Variants in STK39 observed in about 807,000 individuals in gnomAD.
STK39 encodes the protein STE20/SPS1-related proline-alanine-rich protein kinase.
Under a neutral mutation model 77.8 loss-of-function variants are expected in STK39, and 20 were observed. That is an observed-to-expected ratio of 0.26 (90% CI 0.18 to 0.37). The LOEUF is 0.37. Ranked by LOEUF, STK39 falls within the 10% of genes least tolerant of loss-of-function variation. The pLI, the probability that STK39 is intolerant of heterozygous loss-of-function variation, is 1.00. For missense variants in STK39, 479 were observed against 656.5 expected (o/e 0.73, Z 2.95); for synonymous variants, 246 against 234.1 (o/e 1.05, Z -0.47).
At chr2:168,214,348 C>T (rs771755334) in intron 1 of STK39, among the ~76,000 whole-genome samples, 2 of 151,728 alleles carry the variant, frequency 1.3e-5, no homozygotes, top group African/African-American at 2.4e-5. Flanking sequence ...TACATGCATG[C>T]GAAAGATCAC....
At chr2:167,977,438 T>G (rs988921015) in intron 16 of STK39, among the ~76,000 whole-genome samples, 3 of 152,186 alleles carry the variant, frequency 2.0e-5, no homozygotes, top group Non-Finnish European at 2.9e-5. Flanking sequence ...GTTTAATTTC[T>G]CTTCAGAATG....
chr2:168,211,825 C>G (rs1689898320), intron 1 of STK39, among the ~76,000 whole-genome samples: 1 of 152,186 alleles, frequency 6.6e-6, no homozygotes, highest in Admixed American at 6.5e-5. Flanking sequence ...ATTCCTATGC[C>G]TGGTTCTGAA....
rs201525494 is a variant in STK39 at position 167,955,327 on chromosome 2, A to G, written c.*169T>C. 49 of 608,590 alleles carry G rather than the reference A, an allele frequency of 8.1e-5. No individual in the cohort carries two copies. Among genetic ancestry groups the G allele is most frequent in the Middle Eastern group, 8.6e-4 (2 of 2,332 alleles). The allele number at this position is 608,590 out of a possible 1,614,324, so 37.7% of individuals were successfully genotyped here. On this transcript the variant is annotated 3_prime_UTR_variant, in exon 18 of 18. Transcript: ENST00000355999. ...ACTCGGAGTGTTGTAAGTTTTAAAA[A>G]ATTATTTTTTTATCCCATTTTGTTG...
Position 168,074,995 on chromosome 2 carries a change from T to C in STK39, c.1229A>G (p.Glu410Gly). ...GCCACAGCTCACCTCTGGATTTTCT[T>C]CTTTTACTCTTCGTGACTGTAAAAC... Reference protein sequence around the residue: ...FSQEKSRRVKEENPEIAVSAS... With the variant: ...FSQEKSRRVKGENPEIAVSAS... The change falls in exon 12 of 18, where the codon GAA becomes GGA. Residue 410 changes from glutamate to glycine, a missense_variant. This residue lies in a region of STK39 where 244 missense variants were observed against 296.8 expected (regional missense o/e 0.82). Transcript: ENST00000355999. 2 of 1,613,834 alleles carry C rather than the reference T, an allele frequency of 1.2e-6. No homozygotes were observed.
chr2:168,197,964 G>A (rs1423143420), intron 1 of STK39, among the ~76,000 whole-genome samples: 3 of 151,866 alleles, frequency 2.0e-5, no homozygotes, highest in Admixed American at 2.0e-4. Flanking sequence ...CTTGAACCCA[G>A]GAGGTAGAGG....
intron 14 of STK39, among the ~76,000 whole-genome samples, chr2:168,018,881 A>C (rs1434705732): frequency 5.3e-5 from 8 of 152,176 alleles, no homozygotes; most frequent in Admixed American, 5.2e-4. Context: ...CCACAAGGAT[A>C]CACAGGGCAT....
intron 16 of STK39, among the ~76,000 whole-genome samples, chr2:167,974,677 T>C (rs1037279878): frequency 6.6e-6 from 1 of 152,196 alleles, no homozygotes; most frequent in African/African-American, 2.4e-5. Context: ...CTATTTAAAG[T>C]CATTTCCACG....
chr2:168,235,185 G>A (rs533767375), intron 1 of STK39, among the ~76,000 whole-genome samples: 1 of 152,154 alleles, frequency 6.6e-6, no homozygotes, highest in East Asian at 1.9e-4. Flanking sequence ...TTACAGGCAT[G>A]TGCCACCATG....
At chr2:168,037,972 G>C (rs192084234) in intron 14 of STK39, among the ~76,000 whole-genome samples, 1 of 152,084 alleles carries the variant, frequency 6.6e-6, no homozygotes, top group Non-Finnish European at 1.5e-5. Context: ...AGACTTAAAA[G>C]AAAAGGCAGA....
chr2:168,073,763 T>G (rs1460158124), intron 12 of STK39, among the ~76,000 whole-genome samples: 1 of 152,036 alleles, frequency 6.6e-6, no homozygotes, highest in Non-Finnish European at 1.5e-5. Context: ...CGAGTACAGA[T>G]GCCTGCCACC....
intron 14 of STK39, among the ~76,000 whole-genome samples, chr2:168,042,603 T>C (rs1394717653): frequency 6.8e-6 from 1 of 146,462 alleles, no homozygotes; most frequent in Non-Finnish European, 1.5e-5. Flanking sequence ...TTTCTTGAGA[T>C]GGAGTCTCGC....
At chr2:168,019,378 C>T (rs1684514646) in intron 14 of STK39, among the ~76,000 whole-genome samples, 1 of 152,176 alleles carries the variant, frequency 6.6e-6, no homozygotes, top group African/African-American at 2.4e-5. Context: ...TAACCTCTCA[C>T]TGTGCCTAAT....
chr2:167,967,100 GCTGAGAACA>G (rs1692178545), intron 16 of STK39, among the ~76,000 whole-genome samples: 1 of 152,198 alleles, frequency 6.6e-6, no homozygotes. Flanking sequence ...CTGAGCCTGT[GCTGAGAACA>G]CTGACCTTTG....
At chr2:168,049,227 C>A (rs1050853373) in intron 14 of STK39, among the ~76,000 whole-genome samples, 12 of 152,156 alleles carry the variant, frequency 7.9e-5, no homozygotes, top group Admixed American at 1.3e-4. Context: ...CACCTAACAT[C>A]CAGAACACAC....
chr2:168,135,347 A>G (rs945445813), intron 8 of STK39, among the ~76,000 whole-genome samples: 3 of 152,166 alleles, frequency 2.0e-5, no homozygotes, highest in Non-Finnish European at 2.9e-5. Flanking sequence ...AAGTGCCCAC[A>G]GCACATTCTC....
At chr2:168,027,175 T>TA (rs1394944617) in intron 14 of STK39, among the ~76,000 whole-genome samples, 1 of 152,114 alleles carries the variant, frequency 6.6e-6, no homozygotes, top group Non-Finnish European at 1.5e-5. Context: ...CTGCTGAACC[T>TA]ATCAGCACTG....
At chr2:167,971,789 A>G (rs1006297824) in intron 16 of STK39, among the ~76,000 whole-genome samples, 2 of 152,232 alleles carry the variant, frequency 1.3e-5, no homozygotes, top group African/African-American at 4.8e-5. Context: ...GGTACATTTT[A>G]CCTGAGTAAA....
chr2:168,210,360 A>G (rs1158897589), intron 1 of STK39, among the ~76,000 whole-genome samples: 1 of 152,206 alleles, frequency 6.6e-6, no homozygotes, highest in Admixed American at 6.5e-5. Context: ...CCTTCTTGAA[A>G]TGCTGGCTCA....
At chr2:168,179,168 C>T (rs1288596726) in intron 2 of STK39, among the ~76,000 whole-genome samples, 1 of 152,140 alleles carries the variant, frequency 6.6e-6, no homozygotes, top group African/African-American at 2.4e-5. Context: ...TGAGACGATG[C>T]AGTGCACTGA....
Sources: gnomAD v4.1 joint callset for allele counts (sites outside exome capture counted in the v4.1 genomes callset) on GRCh38, gnomAD v4.1.1 for gene constraint, gnomAD v4.1.1 regional missense constraint, MANE v1.5 for transcripts, NCBI Gene and HGNC (gene_info 2026-07-23, HGNC 2026-07-21) for gene names.